MECOM: variants seen among roughly 807,000 people sequenced by gnomAD.
MECOM encodes histone-lysine N-methyltransferase MECOM.
A neutral mutation model predicts 116.3 loss-of-function variants in MECOM; 13 were observed. The observed-to-expected ratio is 0.11, with a 90% CI of 0.07 to 0.18. MECOM has a LOEUF of 0.18. Ranked by LOEUF, MECOM falls within the 10% of genes least tolerant of loss-of-function variation. The pLI is 1.00. For synonymous variants in MECOM, 528 were observed against 535.2 expected (o/e 0.99, Z 0.19); for missense variants, 1,299 against 1,509.0 (o/e 0.86, Z 2.31).
At chr3:169,302,062 G>T (rs545150387) in intron 2 of MECOM, among the ~76,000 whole-genome samples, 28 of 152,236 alleles carry the variant, frequency 1.8e-4, no homozygotes, top group African/African-American at 6.7e-4. Context: ...TTCCCTCTAG[G>T]TTATCAAATA....
chr3:169,372,060 TTC>T (rs1730230169), intron 2 of MECOM, among the ~76,000 whole-genome samples: 1 of 152,122 alleles, frequency 6.6e-6, no homozygotes, highest in African/African-American at 2.4e-5. Context: ...GTTAATGAAT[TTC>T]TGACTCCAGT....
chr3:169,206,822 T>G (rs1447498905), intron 2 of MECOM, among the ~76,000 whole-genome samples: 1 of 151,256 alleles, frequency 6.6e-6, no homozygotes, highest in African/African-American at 2.4e-5. Context: ...TCTAAGTGTG[T>G]AGCCCAGGCA....
chr3:169,212,766 T>TTGCTCTTACTA (rs1356225526), intron 2 of MECOM, among the ~76,000 whole-genome samples: 1 of 149,362 alleles, frequency 6.7e-6, no homozygotes, highest in Non-Finnish European at 1.5e-5. Flanking sequence ...AGTAATCTAA[T>TTGCTCTTACTA]TGCTCTTACT....
chr3:169,220,537 C>G (rs970874084), intron 2 of MECOM, among the ~76,000 whole-genome samples: 2 of 152,112 alleles, frequency 1.3e-5, no homozygotes, highest in South Asian at 4.1e-4. Context: ...TGCAGTAGCT[C>G]GATTTTGGCT....
chr3:169,116,978 C>A (rs762511102), intron 7 of MECOM, among the ~76,000 whole-genome samples: 20 of 152,164 alleles, frequency 1.3e-4, no homozygotes, highest in Non-Finnish European at 2.5e-4. Flanking sequence ...ATATATATAT[C>A]TTGTCACCCC....
chr3:169,511,996 GGCACACAAAA>G (rs1191163182), intron 1 of MECOM, among the ~76,000 whole-genome samples: 1 of 151,902 alleles, frequency 6.6e-6, no homozygotes, highest in Non-Finnish European at 1.5e-5. Context: ...ATTCCCATAG[GGCACACAAAA>G]GCACTCAGTA....
At chr3:169,181,838 C>T (rs568060376) in intron 2 of MECOM, among the ~76,000 whole-genome samples, 6 of 152,282 alleles carry the variant, frequency 3.9e-5, no homozygotes, top group African/African-American at 1.4e-4. Context: ...AACCAACTCC[C>T]TGCTTCTGTG....
chr3:169,106,511 T>C (rs1022634625), intron 10 of MECOM, among the ~76,000 whole-genome samples: 27 of 152,284 alleles, frequency 1.8e-4, no homozygotes, highest in African/African-American at 6.0e-4. Flanking sequence ...CCTACTAATA[T>C]CTGTTTTATA....
In MECOM at chr3:169,186,933, G is replaced by A. The variant is rs114855833; in HGVS notation, c.376-43101C>T. Among the ~76,000 whole-genome samples, 691 of 152,286 alleles carry A rather than the reference G, an allele frequency of 4.5e-3. 6 individuals carry two copies. Among genetic ancestry groups the A allele is most frequent in the Middle Eastern group, 0.027 (8 of 294 alleles). On this transcript the variant is annotated intron_variant, in intron 2 of 16. Coordinates refer to ENST00000651503, the MANE Select transcript of MECOM (RefSeq NM_004991.4). ...AGCTACCTTGATTTAAGGACATCAAGCTACTTGATATATTAGTCACTGGTA... is the reference window on the plus strand; with the variant it reads ...AGCTACCTTGATTTAAGGACATCAAACTACTTGATATATTAGTCACTGGTA...
At position 169,626,372 on chromosome 3, in the gene MECOM, G is replaced by A. The variant is rs180962731; in HGVS notation, c.37+36964C>T. Among the ~76,000 whole-genome samples the A allele has an allele frequency of 1.1e-3, 175 of 152,324 alleles. 1 individual carries two copies. The highest frequency in any genetic ancestry group is 1.4e-3 in the Non-Finnish European group (94 of 68,024). On this transcript the variant is annotated intron_variant, in intron 1 of 16. Coordinates refer to ENST00000651503, the MANE Select transcript of MECOM (RefSeq NM_004991.4). ...ATTAAAGAGTTAATAATCATTGAGC[G>A]GAGCTTGGGAGCAGAAGGTACCCTG...
At chr3:169,217,410 T>C (rs1751545772) in intron 2 of MECOM, among the ~76,000 whole-genome samples, 1 of 152,212 alleles carries the variant, frequency 6.6e-6, no homozygotes, top group Non-Finnish European at 1.5e-5. Context: ...AGAAAGATTT[T>C]TAAAAAGCAA....
chr3:169,507,901 C>T (rs1755474911), intron 1 of MECOM, among the ~76,000 whole-genome samples: 1 of 151,498 alleles, frequency 6.6e-6, no homozygotes, highest in South Asian at 2.1e-4. Context: ...ACCTTGCGAT[C>T]TGCCCGCCTC....
chr3:169,408,368 T>C (rs1367902294), intron 1 of MECOM, among the ~76,000 whole-genome samples: 1 of 152,142 alleles, frequency 6.6e-6, no homozygotes, highest in Admixed American at 6.6e-5. Context: ...TCAATCGACA[T>C]GCGAGGTAGG....
At chr3:169,558,898 G>GA (rs921020005) in intron 1 of MECOM, among the ~76,000 whole-genome samples, 6 of 151,924 alleles carry the variant, frequency 3.9e-5, no homozygotes, top group Admixed American at 2.0e-4. Context: ...CAGACATCTA[G>GA]AAAAAAACAA....
chr3:169,524,680 A>G (rs1218590579), intron 1 of MECOM, among the ~76,000 whole-genome samples: 1 of 152,184 alleles, frequency 6.6e-6, no homozygotes, highest in Non-Finnish European at 1.5e-5. Context: ...ACCCTACTGA[A>G]TTTAAGGGTA....
rs182838255 is a variant in MECOM at position 169,477,045 on chromosome 3, C to T, written c.38-95521G>A. 62 of 137,972 alleles carry T rather than the reference C, an allele frequency of 4.5e-4. 1 individual carries two copies. The highest frequency in any genetic ancestry group is 1.2e-3 in the African/African-American group (45 of 36,714). The allele number at this position is 137,972 out of a possible 1,614,324, so 8.5% of individuals were successfully genotyped here. On this transcript the variant is annotated intron_variant, in intron 1 of 16. Transcript: ENST00000651503. ...ACTCATGTTAATAAACTCCTACATG[C>T]GACATAATATGTGCCTAGAGGTCTG...
chr3:169,192,171 T>A (rs898718042), intron 2 of MECOM, among the ~76,000 whole-genome samples: 1 of 152,066 alleles, frequency 6.6e-6, no homozygotes, highest in African/African-American at 2.4e-5. Flanking sequence ...CACTAAGAAC[T>A]CATATTCTAA....
In MECOM at chr3:169,576,838, C is replaced by CACACAG. The variant is rs368016499; in HGVS notation, c.37+86497_37+86498insCTGTGT. On this transcript the variant is annotated intron_variant, in intron 1 of 16. Transcript: ENST00000651503. ...ACACACACACACACACACACACACA[C>CACACAG]AGAGAGAGAGAGAGAGAGTTAAGAG... Among the ~76,000 whole-genome samples, 300 of 125,068 alleles carry CACACAG rather than the reference C, an allele frequency of 2.4e-3. 1 individual carries two copies. The highest frequency in any genetic ancestry group is 7.6e-3 in the African/African-American group (264 of 34,882). The allele number at this position is 125,068 out of a possible 152,430, so 82.0% of individuals were successfully genotyped here.
intron 2 of MECOM, among the ~76,000 whole-genome samples, chr3:169,235,520 A>G (rs1560027266): frequency 6.6e-6 from 1 of 152,140 alleles, no homozygotes; most frequent in Admixed American, 6.6e-5. Flanking sequence ...AAACGTGTTT[A>G]CTATTCCTGA....
Sources: gnomAD v4.1 joint callset for allele counts (sites outside exome capture counted in the v4.1 genomes callset) on GRCh38, gnomAD v4.1.1 for gene constraint, MANE v1.5 for transcripts, NCBI Gene and HGNC (gene_info 2026-07-23, HGNC 2026-07-21) for gene names.